Variants in GSE1 observed in about 807,000 individuals in gnomAD.
The protein encoded by GSE1 is genetic suppressor element 1.
A neutral mutation model predicts 112.6 loss-of-function variants in GSE1; 32 were observed. That is an observed-to-expected ratio of 0.28 (90% CI 0.21 to 0.38). The LOEUF is 0.38. GSE1 is among the 10% of genes least tolerant of loss of function. The pLI is 1.00. For synonymous variants in GSE1, 1,115 were observed against 735.6 expected (o/e 1.52, Z -8.35); for missense variants, 2,348 against 1,699.2 (o/e 1.38, Z -6.71).
intron 1 of GSE1, among the ~76,000 whole-genome samples, chr16:85,307,323 G>A (rs2045707080): frequency 6.6e-6 from 1 of 152,146 alleles, no homozygotes; most frequent in Non-Finnish European, 1.5e-5. Flanking sequence ...AACCACCTGC[G>A]ACGTTCCAAG....
intron 2 of GSE1, among the ~76,000 whole-genome samples, chr16:85,402,997 G>T (rs1392896030): frequency 1.3e-5 from 2 of 152,060 alleles, no homozygotes; most frequent in African/African-American, 4.8e-5. Flanking sequence ...CAGGGATCCG[G>T]ATCCAGCTTA....
intron 1 of GSE1, among the ~76,000 whole-genome samples, chr16:85,189,181 C>A (rs1343854518): frequency 6.6e-6 from 1 of 152,206 alleles, no homozygotes; most frequent in Non-Finnish European, 1.5e-5. Context: ...CTGGCTCCTG[C>A]CAGCTGAAGT....
chr16:85,335,307 G>A (rs889591572), intron 1 of GSE1, among the ~76,000 whole-genome samples: 1 of 152,262 alleles, frequency 6.6e-6, no homozygotes, highest in African/African-American at 2.4e-5. Context: ...TGCTGAGGCC[G>A]GGAGCAGCCC....
At chr16:85,215,390 C>G (rs56222504) in intron 1 of GSE1, among the ~76,000 whole-genome samples, 1 of 152,204 alleles carries the variant, frequency 6.6e-6, no homozygotes, top group East Asian at 1.9e-4. Flanking sequence ...TCATGGACTT[C>G]AGACACTCAG....
chr16:85,276,605 G>A (rs1280956530), intron 1 of GSE1, among the ~76,000 whole-genome samples: 1 of 152,222 alleles, frequency 6.6e-6, no homozygotes, highest in African/African-American at 2.4e-5. Flanking sequence ...TGACCTCCCC[G>A]TGATGACCAT....
chr16:85,194,493 CAG>C (rs138319794), intron 1 of GSE1, among the ~76,000 whole-genome samples: 3,431 of 152,216 alleles, frequency 0.023, 133 homozygotes, highest in African/African-American at 0.075. Flanking sequence ...ACCAGGGAGA[CAG>C]GGGCCATTCT....
At chr16:85,642,859 G>A (rs2050555663) in intron 2 of GSE1, among the ~76,000 whole-genome samples, 1 of 152,226 alleles carries the variant, frequency 6.6e-6, no homozygotes, top group African/African-American at 2.4e-5. Context: ...TTCCTTCCAT[G>A]CTCGCTGCTG....
Position 85,672,696 on chromosome 16 carries a change from G to A in GSE1, c.*157G>A, listed in dbSNP as rs569278082. On this transcript the variant is annotated 3_prime_UTR_variant, in exon 16 of 16. Transcript: ENST00000253458. ...ATTCCAGGCTCCAGAAAAAATGAAT[G>A]AACTCACCTTGACGTCAATGCAATT... 5 of 485,182 alleles carry A rather than the reference G, an allele frequency of 1.0e-5. No homozygotes were observed. The South Asian group carries it at 1.6e-4, about 16-fold the overall frequency. The allele number at this position is 485,182 out of a possible 1,614,324, so 30.1% of individuals were successfully genotyped here. A position where few individuals can be genotyped will look rare whatever the true frequency, so the allele number is the denominator to read the frequency against.
At chr16:85,509,888 G>A (rs544080935) in intron 2 of GSE1, among the ~76,000 whole-genome samples, 3 of 152,312 alleles carry the variant, frequency 2.0e-5, no homozygotes, top group African/African-American at 7.2e-5. Context: ...TGATCCCTTC[G>A]TCCCCTGCAG....
At chr16:85,355,446 T>G (rs947655257) in intron 1 of GSE1, among the ~76,000 whole-genome samples, 1 of 152,128 alleles carries the variant, frequency 6.6e-6, no homozygotes, top group Admixed American at 6.5e-5. Flanking sequence ...GGGCTGACCT[T>G]GCCTGTGACC....
At chr16:85,402,931 T>A (rs1041711219) in intron 2 of GSE1, among the ~76,000 whole-genome samples, 1 of 150,438 alleles carries the variant, frequency 6.6e-6, no homozygotes, top group Non-Finnish European at 1.5e-5. Context: ...AAAAAAAAAT[T>A]GCCCCAAAAC....
intron 2 of GSE1, among the ~76,000 whole-genome samples, chr16:85,469,455 C>T (rs1338546173): frequency 1.3e-5 from 2 of 152,078 alleles, no homozygotes; most frequent in Middle Eastern, 3.2e-3. Context: ...CTTGTGGGAG[C>T]GGGGTTGGAC....
chr16:85,326,809 GA>G (rs1263060480), intron 1 of GSE1, among the ~76,000 whole-genome samples: 1 of 152,248 alleles, frequency 6.6e-6, no homozygotes, highest in Non-Finnish European at 1.5e-5. Context: ...TGGGCACCTA[GA>G]AGGTGCTAGA....
chr16:85,214,180 G>A (rs1013851084), intron 1 of GSE1, among the ~76,000 whole-genome samples: 1 of 152,164 alleles, frequency 6.6e-6, no homozygotes, highest in Non-Finnish European at 1.5e-5. Context: ...GGCGGCCTCC[G>A]CTCACCCACG....
At chr16:85,214,277 G>A (rs925794851) in intron 1 of GSE1, among the ~76,000 whole-genome samples, 3 of 152,278 alleles carry the variant, frequency 2.0e-5, no homozygotes, top group Admixed American at 2.0e-4. Flanking sequence ...CCCAGAACCT[G>A]TGAGTGTGAC....
chr16:85,266,460 C>T (rs541284162), intron 1 of GSE1, among the ~76,000 whole-genome samples: 17 of 152,130 alleles, frequency 1.1e-4, no homozygotes, highest in Admixed American at 4.6e-4. Flanking sequence ...GGGCTGGCAC[C>T]GAGGGTCTCC....
chr16:85,661,852 C>A (rs9940903), intron 9 of GSE1, 87 bp downstream of exon 9: 5 of 1,302,764 alleles, frequency 3.8e-6, no homozygotes, highest in Non-Finnish European at 5.1e-6. Context: ...TGCCCCTCTC[C>A]GTCCACTCCT....
intron 1 of GSE1, among the ~76,000 whole-genome samples, chr16:85,237,883 T>TC (rs1334942215): frequency 6.6e-6 from 1 of 150,984 alleles, no homozygotes; most frequent in African/African-American, 2.4e-5. Flanking sequence ...GAATGAAACC[T>TC]CCCTGTGGCA....
intron 2 of GSE1, among the ~76,000 whole-genome samples, chr16:85,415,088 G>A (rs1360562626): frequency 6.6e-6 from 1 of 152,148 alleles, no homozygotes; most frequent in African/African-American, 2.4e-5. Context: ...GGGACCTTGG[G>A]TGTGCACCAC....
Sources: allele counts gnomAD v4.1 joint callset (sites outside exome capture counted in the v4.1 genomes callset), GRCh38; gene constraint gnomAD v4.1.1; transcripts MANE v1.5; gene names NCBI Gene and HGNC (gene_info 2026-07-23, HGNC 2026-07-21).